RBFOX1: variants seen among roughly 807,000 people sequenced by gnomAD.
The protein encoded by RBFOX1 is RNA binding protein fox-1 homolog 1.
In RBFOX1, 8 loss-of-function variants were observed where a neutral mutation model predicts 57.7. The observed-to-expected ratio is 0.14, with a 90% CI of 0.08 to 0.25. The LOEUF (loss-of-function observed/expected upper bound fraction) is 0.25. RBFOX1 is among the 10% of genes least tolerant of loss of function. The probability of loss-of-function intolerance (pLI) is 1.00; values close to 1 mark genes in which losing one functional copy is unlikely to be tolerated. For missense variants in RBFOX1, 611 were observed against 548.5 expected, an observed-to-expected ratio of 1.11 and a Z score of -1.14; for synonymous variants, 326 against 222.4, an observed-to-expected ratio of 1.47 and a Z score of -4.15.
intron 1 of RBFOX1, among the ~76,000 whole-genome samples, chr16:5,408,783 C>T (rs1388983597): frequency 6.6e-6 from 1 of 152,200 alleles, no homozygotes; most frequent in Non-Finnish European, 1.5e-5. Context: ...CTTCCCATGG[C>T]AAAAGCAGGA....
At chr16:5,367,346 T>G (rs748112500) in intron 1 of RBFOX1, among the ~76,000 whole-genome samples, 1 of 152,156 alleles carries the variant, frequency 6.6e-6, no homozygotes, top group Non-Finnish European at 1.5e-5. Context: ...CTGAGCAGGT[T>G]CCCATGGCTG....
At chr16:6,850,036 C>A (rs1055417472) in intron 3 of RBFOX1, among the ~76,000 whole-genome samples, 1 of 152,160 alleles carries the variant, frequency 6.6e-6, no homozygotes, top group Non-Finnish European at 1.5e-5. Context: ...CAAAGAAATA[C>A]ACCATGTACT....
chr16:5,403,360 A>AAC (rs1567456296), intron 1 of RBFOX1, among the ~76,000 whole-genome samples: 2 of 149,536 alleles, frequency 1.3e-5, no homozygotes, highest in Non-Finnish European at 1.5e-5. Context: ...AAAAAAAAAA[A>AAC]AAAAAAACAA....
intron 4 of RBFOX1, among the ~76,000 whole-genome samples, chr16:7,491,958 T>C (rs1452569870): frequency 6.6e-6 from 1 of 152,222 alleles, no homozygotes; most frequent in Non-Finnish European, 1.5e-5. Context: ...TGAATATTGA[T>C]GATTATAGTC....
At chr16:7,289,297 A>G (rs2095712789) in intron 4 of RBFOX1, among the ~76,000 whole-genome samples, 1 of 152,152 alleles carries the variant, frequency 6.6e-6, no homozygotes, top group Non-Finnish European at 1.5e-5. Context: ...TTTCTAGCCT[A>G]AGAGAACAGG....
intron 4 of RBFOX1, among the ~76,000 whole-genome samples, chr16:7,331,021 G>A (rs2144260071): frequency 6.6e-6 from 1 of 152,208 alleles, no homozygotes; most frequent in Admixed American, 6.5e-5. Context: ...TGTACAACGT[G>A]GCCACTTTGA....
At chr16:6,443,840 A>T (rs909166457) in intron 2 of RBFOX1, among the ~76,000 whole-genome samples, 1 of 151,944 alleles carries the variant, frequency 6.6e-6, no homozygotes, top group African/African-American at 2.4e-5. Flanking sequence ...CCATTCATCC[A>T]TGCACCCATC....
At chr16:6,529,726 C>G (rs2096630243) in intron 2 of RBFOX1, among the ~76,000 whole-genome samples, 1 of 152,104 alleles carries the variant, frequency 6.6e-6, no homozygotes, top group South Asian at 2.1e-4. Flanking sequence ...GACTCCACAA[C>G]ACGTACGGAA....
At chr16:7,237,728 C>A (rs1012615772) in intron 4 of RBFOX1, among the ~76,000 whole-genome samples, 2 of 152,216 alleles carry the variant, frequency 1.3e-5, no homozygotes, top group Admixed American at 6.5e-5. Context: ...TTCTGGCCGA[C>A]TGTGTGGTGG....
At chr16:5,389,873 T>C (rs1350328250) in intron 1 of RBFOX1, among the ~76,000 whole-genome samples, 1 of 151,924 alleles carries the variant, frequency 6.6e-6, no homozygotes, top group African/African-American at 2.4e-5. Context: ...AATTTTTGTA[T>C]TTTTGGTAGA....
intron 3 of RBFOX1, among the ~76,000 whole-genome samples, chr16:7,002,493 C>G (rs1401791283): frequency 6.6e-6 from 1 of 152,168 alleles, no homozygotes; most frequent in African/African-American, 2.4e-5. Context: ...GCAGGCGGAT[C>G]ATGAGGTCAG....
At chr16:7,426,486 C>T (rs578220690) in intron 4 of RBFOX1, among the ~76,000 whole-genome samples, 19 of 152,258 alleles carry the variant, frequency 1.2e-4, no homozygotes, top group Middle Eastern at 3.4e-3. Context: ...AGCGTGAGTT[C>T]CTGAGCAGCA....
chr16:6,616,889 A>C (rs771604410), intron 2 of RBFOX1, among the ~76,000 whole-genome samples: 3 of 152,184 alleles, frequency 2.0e-5, no homozygotes, highest in Non-Finnish European at 2.9e-5. Context: ...ATGTAAATTA[A>C]GTTTTATTGG....
At chr16:6,254,730 T>G (rs1041772218) in intron 1 of RBFOX1, among the ~76,000 whole-genome samples, 7 of 152,232 alleles carry the variant, frequency 4.6e-5, no homozygotes, top group African/African-American at 1.7e-4. Flanking sequence ...TTGAAAAACC[T>G]CTTTTAAAAT....
In RBFOX1 at chr16:5,608,442, C is replaced by A. The variant is rs77127266; in HGVS notation, c.318+9481C>A. ...AGTGGTTCTGTGCATGGCTGGGAAC[C>A]AGGCTGCAGCCTTGAGTCCCAGCCC... On this transcript the variant is annotated intron_variant, in intron 3 of 19. Coordinates refer to the RBFOX1 transcript ENST00000641259. Among the ~76,000 whole-genome samples, 267 of 152,298 alleles carry A rather than the reference C, an allele frequency of 1.8e-3. 3 individuals carry two copies. Among genetic ancestry groups the A allele is most frequent in the African/African-American group, 5.7e-3 (236 of 41,558 alleles).
At chr16:5,780,058 T>C (rs1435452174) in intron 3 of RBFOX1, among the ~76,000 whole-genome samples, 3 of 152,328 alleles carry the variant, frequency 2.0e-5, no homozygotes, top group Non-Finnish European at 4.4e-5. Flanking sequence ...GGCTGGAGTG[T>C]AGTGGCACAA....
At chr16:7,538,636 A>C (rs1395236421) in intron 5 of RBFOX1, among the ~76,000 whole-genome samples, 1 of 152,202 alleles carries the variant, frequency 6.6e-6, no homozygotes, top group African/African-American at 2.4e-5. Context: ...TACAAATTGT[A>C]ATGTTTGCTT....
At chr16:6,802,491 A>G (rs575630718) in intron 3 of RBFOX1, among the ~76,000 whole-genome samples, 79 of 152,240 alleles carry the variant, frequency 5.2e-4, no homozygotes, top group African/African-American at 1.4e-3. Flanking sequence ...AGCCTGACCA[A>G]TTTGGCAAAA....
At chr16:5,813,056 G>A (rs1267808929) in intron 3 of RBFOX1, among the ~76,000 whole-genome samples, 3 of 144,606 alleles carry the variant, frequency 2.1e-5, no homozygotes, top group Non-Finnish European at 4.5e-5. Flanking sequence ...CACCCCGGCT[G>A]CAGTGCAGTG....
Sources: allele counts gnomAD v4.1 joint callset (sites outside exome capture counted in the v4.1 genomes callset), GRCh38; gene constraint gnomAD v4.1.1; transcripts MANE v1.5; gene names NCBI Gene and HGNC (gene_info 2026-07-23, HGNC 2026-07-21).